PDE7B: variants seen among roughly 807,000 people sequenced by gnomAD.
The protein encoded by PDE7B is 3',5'-cyclic-AMP phosphodiesterase 7B.
Under a neutral mutation model 56.2 loss-of-function variants are expected in PDE7B, and 29 were observed. That is an observed-to-expected ratio of 0.52 (90% CI 0.38 to 0.70). PDE7B has a LOEUF of 0.70. PDE7B is among the 30% of genes least tolerant of loss of function. The pLI is 0.00. For missense variants in PDE7B, 490 were observed against 565.0 expected, an observed-to-expected ratio of 0.87 and a Z score of 1.35; for synonymous variants, 197 against 196.9, an observed-to-expected ratio of 1.00 and a Z score of 0.00.
At chr6:135,892,471 A>G (rs903384142) in intron 1 of PDE7B, among the ~76,000 whole-genome samples, 2 of 152,234 alleles carry the variant, frequency 1.3e-5, no homozygotes, top group African/African-American at 4.8e-5. Flanking sequence ...CTAAGGTCCT[A>G]TAATCTGAGT....
intron 2 of PDE7B, among the ~76,000 whole-genome samples, chr6:136,020,472 T>C (rs535439109): frequency 3.5e-4 from 54 of 152,342 alleles, no homozygotes; most frequent in Non-Finnish European, 6.6e-4. Flanking sequence ...TAATATAATA[T>C]AGCCTTTAAA....
intron 2 of PDE7B, among the ~76,000 whole-genome samples, chr6:136,075,918 T>C (rs111296859): frequency 3.5e-4 from 54 of 152,330 alleles, no homozygotes; most frequent in African/African-American, 1.2e-3. Context: ...TTCTACATCT[T>C]TGCAGGGATG....
intron 2 of PDE7B, among the ~76,000 whole-genome samples, chr6:135,991,548 G>A (rs1379644533): frequency 2.0e-5 from 3 of 152,150 alleles, no homozygotes; most frequent in Non-Finnish European, 4.4e-5. Context: ...CTTCCTGCTT[G>A]CTGATGGCTG....
intron 2 of PDE7B, among the ~76,000 whole-genome samples, chr6:136,023,317 G>A (rs781736576): frequency 1.3e-5 from 2 of 152,208 alleles, no homozygotes; most frequent in South Asian, 2.1e-4. Context: ...TAGACAAGGT[G>A]TGACAAGCCC....
At chr6:135,879,096 A>G (rs1775556586) in intron 1 of PDE7B, among the ~76,000 whole-genome samples, 1 of 152,118 alleles carries the variant, frequency 6.6e-6, no homozygotes, top group Non-Finnish European at 1.5e-5. Flanking sequence ...CAAATCACAC[A>G]TTTAAAAAGC....
chr6:135,903,083 T>C (rs1776034405), intron 1 of PDE7B, among the ~76,000 whole-genome samples: 2 of 152,194 alleles, frequency 1.3e-5, no homozygotes, highest in Admixed American at 1.3e-4. Context: ...CATTTAATGA[T>C]GCCTAATTAT....
intron 2 of PDE7B, among the ~76,000 whole-genome samples, chr6:136,042,886 T>G (rs1361468001): frequency 6.6e-6 from 1 of 152,190 alleles, no homozygotes; most frequent in Non-Finnish European, 1.5e-5. Flanking sequence ...AATCAAAAGC[T>G]TAATGAAAGA....
chr6:136,075,006 C>T (rs1777107827), intron 2 of PDE7B, among the ~76,000 whole-genome samples: 1 of 152,162 alleles, frequency 6.6e-6, no homozygotes, highest in Non-Finnish European at 1.5e-5. Context: ...GATTTCTTTT[C>T]TCTATGCAAG....
intron 1 of PDE7B, among the ~76,000 whole-genome samples, chr6:135,903,504 C>T (rs533351139): frequency 6.6e-6 from 1 of 152,278 alleles, no homozygotes; most frequent in Non-Finnish European, 1.5e-5. Flanking sequence ...ATTGGGGAAG[C>T]TCTAAAAGTT....
At chr6:136,137,557 T>G (rs939106064) in intron 3 of PDE7B, among the ~76,000 whole-genome samples, 5 of 152,098 alleles carry the variant, frequency 3.3e-5, no homozygotes, top group African/African-American at 1.2e-4. Flanking sequence ...ACTCGACTTC[T>G]GGAAACAGTT....
chr6:135,961,546 T>G (rs1004410916), intron 2 of PDE7B, among the ~76,000 whole-genome samples: 2 of 152,168 alleles, frequency 1.3e-5, no homozygotes, highest in Non-Finnish European at 1.5e-5. Context: ...ACCATCAGGT[T>G]GATGATGGTA....
intron 6 of PDE7B, 36 bp from the exon 7 acceptor site, chr6:136,154,039 G>A: frequency 7.0e-7 from 1 of 1,422,830 alleles, no homozygotes; most frequent in Admixed American, 1.7e-5. Context: ...CTCCTATTTG[G>A]GTTTTAGTTG....
intron 2 of PDE7B, among the ~76,000 whole-genome samples, chr6:135,958,433 T>C (rs1035873047): frequency 6.6e-6 from 1 of 152,150 alleles, no homozygotes. Context: ...AGGCTTTCTA[T>C]TGGAAGGAGT....
chr6:136,180,634 T>C (rs3778290), intron 10 of PDE7B, among the ~76,000 whole-genome samples: 5,411 of 152,226 alleles, frequency 0.036, 290 homozygotes, highest in Admixed American at 0.13. Flanking sequence ...AAGGTAACCC[T>C]CATAGGGTCA....
At position 136,038,228 on chromosome 6, in the gene PDE7B, A is replaced by G. The variant is rs954629317; in HGVS notation, c.83-70503A>G. ...CAGAAGCAGAAACAGCAGCAGCAGC[A>G]ACAGCAGCAGCAGCAGCAGCACCAC... is the stretch of plus-strand genomic sequence containing the variant. On this transcript the variant is annotated intron_variant, in intron 2 of 12. Coordinates refer to ENST00000308191, the MANE Select transcript of PDE7B (RefSeq NM_018945.4). 6 of 1,300,290 alleles carry G rather than the reference A, an allele frequency of 4.6e-6. No homozygotes were observed. The East Asian group carries it at 3.2e-4, about 69-fold the overall frequency. 80.5% of individuals were successfully genotyped at this position (1,300,290 alleles called of 1,614,324 possible). A position where few individuals can be genotyped will look rare whatever the true frequency, so the allele number is the denominator to read the frequency against.
intron 2 of PDE7B, among the ~76,000 whole-genome samples, chr6:136,082,857 T>C (rs556676198): frequency 6.6e-6 from 1 of 152,206 alleles, no homozygotes. Flanking sequence ...GTAAAAGACT[T>C]GTTTTCTACA....
At chr6:135,976,720 T>C (rs1362942347) in intron 2 of PDE7B, among the ~76,000 whole-genome samples, 4 of 152,176 alleles carry the variant, frequency 2.6e-5, no homozygotes, top group Admixed American at 1.3e-4. Flanking sequence ...TTCATTATTA[T>C]TGTTATTTGC....
At chr6:136,098,710 T>C (rs1777511385) in intron 2 of PDE7B, among the ~76,000 whole-genome samples, 2 of 152,166 alleles carry the variant, frequency 1.3e-5, no homozygotes, top group African/African-American at 4.8e-5. Flanking sequence ...TCTGGATTGT[T>C]AATTATCTGA....
intron 2 of PDE7B, among the ~76,000 whole-genome samples, chr6:135,975,381 A>G (rs1583806140): frequency 6.6e-6 from 1 of 152,132 alleles, no homozygotes; most frequent in Non-Finnish European, 1.5e-5. Flanking sequence ...TCTCACAACC[A>G]GAAGGATATC....
Sources: gnomAD v4.1 joint callset for allele counts (sites outside exome capture counted in the v4.1 genomes callset) on GRCh38, gnomAD v4.1.1 for gene constraint, MANE v1.5 for transcripts, NCBI Gene and HGNC (gene_info 2026-07-23, HGNC 2026-07-21) for gene names.